Variants in LYST observed in about 807,000 individuals in gnomAD.
The protein encoded by LYST is lysosomal-trafficking regulator.
LYST carries 192 observed loss-of-function variants against 413.6 expected under a neutral mutation model. The observed-to-expected ratio is 0.46, with a 90% CI of 0.41 to 0.52. The LOEUF (loss-of-function observed/expected upper bound fraction) is 0.52, where lower values mean the gene tolerates loss of function less well. Among genes scored for constraint, LYST ranks in the 20% least tolerant of loss-of-function variants. The probability of loss-of-function intolerance (pLI) is 0.00; values close to 1 mark genes in which losing one functional copy is unlikely to be tolerated. For synonymous variants in LYST, 1,525 were observed against 1,567.3 expected (o/e 0.97, Z 0.64); for missense variants, 3,815 against 4,499.9 (o/e 0.85, Z 4.35).
chr1:235,788,576 T>C, intron 13 of LYST, 125 bp downstream of exon 13: 1 of 841,516 alleles, frequency 1.2e-6, no homozygotes, highest in South Asian at 1.5e-5. Context: ...AGAATGTATA[T>C]ATTTTTAAAT....
At chr1:235,780,696 G>A (rs973540751) in intron 16 of LYST, among the ~76,000 whole-genome samples, 169 bp downstream of exon 16, 30 of 151,866 alleles carry the variant, frequency 2.0e-4, no homozygotes, top group Middle Eastern at 3.4e-3. Context: ...AATTTTGAAA[G>A]GAGATCAAAG....
chr1:235,712,875 A>G, intron 42 of LYST: 1 of 985,328 alleles, frequency 1.0e-6, no homozygotes, highest in Non-Finnish European at 1.2e-6. Context: ...TCTGCCAACA[A>G]TGATCAGACT....
intron 6 of LYST, 68 bp downstream of exon 6, chr1:235,805,675 T>C: frequency 1.3e-6 from 1 of 766,668 alleles, no homozygotes; most frequent in South Asian, 2.3e-5. Context: ...ATTTTTTATA[T>C]ATATATGTGT....
chr1:235,859,169 G>A (rs762103744), intron 1 of LYST, among the ~76,000 whole-genome samples: 47 of 152,144 alleles, frequency 3.1e-4, no homozygotes, highest in Non-Finnish European at 5.4e-4. Context: ...TTTTAAACAG[G>A]AAGATACATC....
At chr1:235,699,088 T>C (rs1661336699) in intron 45 of LYST, among the ~76,000 whole-genome samples, 3 of 152,060 alleles carry the variant, frequency 2.0e-5, no homozygotes, top group African/African-American at 4.8e-5. Context: ...ATATTTATGA[T>C]CATTATTCTC....
Position 235,677,188 on chromosome 1 carries a change from C to G in LYST, c.10941G>C (p.Arg3647Ser), listed in dbSNP as rs763826917. 4 of 1,606,964 alleles carry G rather than the reference C, an allele frequency of 2.5e-6. No individual in the cohort carries two copies. The East Asian group carries it at 8.9e-5, about 36-fold the overall frequency. ...DGTCIIWDLN[R>S]LCYVQSLAGH... ...CCGCCAGACTTTGTACATAGCATAA[C>G]CTGAAAGAAAAAAGACATGAATTTG... Residue 3647 changes from arginine (R) to serine (S), a missense_variant and splice_region_variant, in exon 50 of 53, where the codon AGG becomes AGC. Arg to Ser is a moderately radical substitution (Grantham distance 110). Around this residue, in one of 4 missense-constraint regions of LYST, gnomAD observed 866 missense variants for 1,156.0 expected, o/e 0.75. Transcript: ENST00000389793.
Position 235,818,835 on chromosome 1 carries a change from C to T in LYST, c.193-5774G>A, listed in dbSNP as rs894858167. 3.3e-5 allele frequency among the ~76,000 whole-genome samples: 5 copies of T among 152,180 alleles called. No individual in the cohort carries two copies. In the East Asian group the frequency reaches 5.8e-4, roughly 18 times the overall value. On this transcript the variant is annotated intron_variant, in intron 3 of 52. Coordinates refer to ENST00000389793, the MANE Select transcript of LYST (RefSeq NM_000081.4). Reference sequence around the variant, plus strand: ...ACATACTGGCAAATCACCACTGCTGCGTAAACAGGCATTCCTGACTCCTGG... The same window carrying T: ...ACATACTGGCAAATCACCACTGCTGTGTAAACAGGCATTCCTGACTCCTGG...
Position 235,687,015 on chromosome 1 carries a change from G to T in LYST, c.10734C>A (p.Cys3578Ter). The T allele has an allele frequency of 6.2e-7, 1 of 1,613,880 alleles. No individual in the cohort carries two copies. Among genetic ancestry groups the T allele is most frequent in the Non-Finnish European group, 8.5e-7 (1 of 1,179,892 alleles). ...VTSCAWVPDS[C>*]QLFTGSKCGV... is the part of the protein sequence containing the mutation. ...CGCATTTGCTTCCAGTAAACAGCTGGCAACTGTCAGGCACCCAAGCACAAC... is the reference window on the plus strand; with the variant it reads ...CGCATTTGCTTCCAGTAAACAGCTGTCAACTGTCAGGCACCCAAGCACAAC... The change falls in exon 48 of 53, where the codon TGC (cysteine) becomes TGA (stop). Residue 3578 changes from cysteine (C) to a stop codon, truncating the protein, a stop_gained. Transcript: ENST00000389793. LOFTEE classifies it high-confidence loss of function.
chr1:235,778,548 A>AT (rs1260722036), intron 16 of LYST, among the ~76,000 whole-genome samples: 9 of 151,364 alleles, frequency 5.9e-5, no homozygotes, highest in African/African-American at 2.2e-4. Flanking sequence ...CTAATTTTAT[A>AT]TTTTTAGTAG....
At chr1:235,687,432 T>A (rs541636143) in intron 47 of LYST, among the ~76,000 whole-genome samples, 27 of 152,342 alleles carry the variant, frequency 1.8e-4, no homozygotes, top group African/African-American at 6.5e-4. Flanking sequence ...TGCTTTTATT[T>A]TCCTCGTTTT....
Position 235,664,521 on chromosome 1 carries a change from C to A in LYST, c.11139G>T (p.Gln3713His). The A allele has an allele frequency of 6.2e-7, 1 of 1,614,202 alleles. No homozygotes were observed. The highest frequency in any genetic ancestry group is 8.5e-7 in the Non-Finnish European group (1 of 1,180,016). ...TTACATTGATAGATACTCCCTCAGG[C>A]TGGTTGGAGAAAGCCACGGAACAGA... Reference protein sequence around the residue: ...EIICSVAFSNQPEGVSINVIA... With the variant: ...EIICSVAFSNHPEGVSINVIA... Residue 3713 changes from glutamine to histidine, a missense_variant, in exon 51 of 53, where the codon CAG (glutamine) becomes CAT (histidine). By Grantham distance (24) the Gln-to-His change is conservative (BLOSUM62 0). Coordinates refer to ENST00000389793, the MANE Select transcript of LYST (RefSeq NM_000081.4). This position sits in a 1 kb window ranked among gnomAD's most constrained non-coding sequence, Gnocchi z 4.5.
At chr1:235,878,480 A>G (rs1681234849) in intron 1 of LYST, among the ~76,000 whole-genome samples, 1 of 152,214 alleles carries the variant, frequency 6.6e-6, no homozygotes, top group Non-Finnish European at 1.5e-5. Flanking sequence ...ACCTGAAGTA[A>G]AAATAATGAC....
chr1:235,671,495 A>G (rs1360931006), intron 50 of LYST, among the ~76,000 whole-genome samples: 1 of 152,190 alleles, frequency 6.6e-6, no homozygotes, highest in Non-Finnish European at 1.5e-5. Context: ...CCACTGGGAC[A>G]GAATGTGGGG....
chr1:235,704,784 G>T (rs1463478087), intron 44 of LYST, among the ~76,000 whole-genome samples: 3 of 152,034 alleles, frequency 2.0e-5, no homozygotes, highest in Non-Finnish European at 4.4e-5. Flanking sequence ...TGCTCTTGTT[G>T]TGAATACTTT....
chr1:235,718,307 C>T (rs1663032102), intron 40 of LYST, among the ~76,000 whole-genome samples: 1 of 151,914 alleles, frequency 6.6e-6, no homozygotes, highest in Non-Finnish European at 1.5e-5. Context: ...CTAGGCCACA[C>T]ATGTTGGTCT....
chr1:235,755,342 T>G, intron 25 of LYST, 136 bp downstream of exon 25: 1 of 800,888 alleles, frequency 1.2e-6, no homozygotes, highest in Non-Finnish European at 2.1e-6. Flanking sequence ...TGAGCCGAGA[T>G]TGCACCATTG....
At chr1:235,702,293 T>C (rs545452434) in intron 45 of LYST, among the ~76,000 whole-genome samples, 1 of 152,212 alleles carries the variant, frequency 6.6e-6, no homozygotes, top group Non-Finnish European at 1.5e-5. Flanking sequence ...CAAAGAAATA[T>C]GTAAAGTTCC....
chr1:235,673,424 G>A (rs965880545), intron 50 of LYST, among the ~76,000 whole-genome samples: 4 of 152,036 alleles, frequency 2.6e-5, no homozygotes, highest in Non-Finnish European at 4.4e-5. Context: ...CGCCTATGGT[G>A]GGGAGATCAG....
At chr1:235,733,251 A>G (rs1378305038) in intron 34 of LYST, among the ~76,000 whole-genome samples, 2 of 152,100 alleles carry the variant, frequency 1.3e-5, no homozygotes, top group Non-Finnish European at 2.9e-5. Flanking sequence ...TCTTTTACAG[A>G]CCATATTTTA....
Sources: gnomAD v4.1 joint callset for allele counts (sites outside exome capture counted in the v4.1 genomes callset) on GRCh38, gnomAD v4.1.1 for gene constraint, gnomAD v4.1.1 regional missense constraint, Gnocchi (gnomAD v3.1) non-coding constraint, MANE v1.5 for transcripts, NCBI Gene and HGNC (gene_info 2026-07-23, HGNC 2026-07-21) for gene names.